The following TMEM178B variants were observed in gnomAD, a reference collection of about 807,000 sequenced individuals.
The protein encoded by TMEM178B is transmembrane protein 178B.
A neutral mutation model predicts 31.0 loss-of-function variants in TMEM178B; 5 were observed. The ratio of observed to expected loss-of-function variants is 0.16; its 90% confidence interval spans 0.08 to 0.34. The LOEUF (loss-of-function observed/expected upper bound fraction) is 0.34. TMEM178B is among the 10% of genes least tolerant of loss of function. TMEM178B has a pLI of 1.00. For missense variants in TMEM178B, 275 were observed against 400.3 expected, an observed-to-expected ratio of 0.69 and a Z score of 2.67; for synonymous variants, 164 against 164.0, an observed-to-expected ratio of 1.00 and a Z score of 0.00.
chr7:141,487,358 T>G, the TMEM178B span, among the ~76,000 whole-genome samples: 1 of 152,212 alleles, frequency 6.6e-6, no homozygotes, highest in East Asian at 1.9e-4. Context: ...AAAGGTCTTC[T>G]GCCCTCTGTA....
At position 141,094,225 on chromosome 7, in the gene TMEM178B, T is replaced by G. The variant is rs115116972; in HGVS notation, c.382+19533T>G. 6.3e-3 allele frequency among the ~76,000 whole-genome samples: 958 copies of G among 152,294 alleles called. 10 individuals carry two copies. The highest frequency in any genetic ancestry group is 0.022 in the African/African-American group (910 of 41,562). On this transcript the variant is annotated intron_variant, in intron 1 of 3. Coordinates refer to ENST00000565468, the MANE Select transcript of TMEM178B (RefSeq NM_001195278.2). ...AACATGGCCCAGGAAGAAACACATGTTTTAGGTGAGGCAGGAAGAAAAAAT... is the reference window on the plus strand; with the variant it reads ...AACATGGCCCAGGAAGAAACACATGGTTTAGGTGAGGCAGGAAGAAAAAAT...
chr7:141,130,139 A>G (rs1289494772), intron 1 of TMEM178B, among the ~76,000 whole-genome samples: 1 of 152,224 alleles, frequency 6.6e-6, no homozygotes, highest in Non-Finnish European at 1.5e-5. Flanking sequence ...CTATATTAAT[A>G]GAGATTCTTT....
In TMEM178B at chr7:141,080,285, A is replaced by G. The variant is rs1044071730; in HGVS notation, c.382+5593A>G. Among the ~76,000 whole-genome samples the G allele has an allele frequency of 7.2e-5, 11 of 152,318 alleles. No individual in the cohort carries two copies. In the East Asian group the frequency reaches 2.1e-3, roughly 29 times the overall value. On this transcript the variant is annotated intron_variant, in intron 1 of 3. Coordinates refer to ENST00000565468, the MANE Select transcript of TMEM178B (RefSeq NM_001195278.2). ...TGCATCAGGTACAGTGTTGGACCAA[A>G]TGGAGAAGCTTACATTCCAGAGGGG... is the stretch of plus-strand genomic sequence containing the variant.
chr7:141,079,214 G>A (rs1057053051), intron 1 of TMEM178B, among the ~76,000 whole-genome samples: 47 of 152,336 alleles, frequency 3.1e-4, no homozygotes, highest in African/African-American at 1.1e-3. Flanking sequence ...TTGAACCTAG[G>A]AGGTAGAGGT....
At chr7:141,142,320 C>G (rs1795784784) in intron 1 of TMEM178B, among the ~76,000 whole-genome samples, 1 of 136,610 alleles carries the variant, frequency 7.3e-6, no homozygotes, top group South Asian at 2.1e-4. Context: ...TGGACTGATT[C>G]CATGTCTTGC....
chr7:141,445,010 C>T (rs116199533), intron 3 of TMEM178B, among the ~76,000 whole-genome samples: 421 of 152,202 alleles, frequency 2.8e-3, no homozygotes, highest in African/African-American at 9.3e-3. Flanking sequence ...ACCAAGGGCA[C>T]GGGTGGTAAT....
chr7:141,392,915 C>T (rs1800572013), intron 2 of TMEM178B, among the ~76,000 whole-genome samples: 1 of 151,678 alleles, frequency 6.6e-6, no homozygotes, highest in Non-Finnish European at 1.5e-5. Context: ...CTGTCATATA[C>T]TCTTGCCAAC....
chr7:141,509,867 G>A, the TMEM178B span, among the ~76,000 whole-genome samples: 4 of 152,180 alleles, frequency 2.6e-5, no homozygotes, highest in South Asian at 2.1e-4. Flanking sequence ...TTAATCCTCC[G>A]CATGTCCTTT....
rs536035652 is a variant in TMEM178B at position 141,337,842 on chromosome 7, A to AT, written c.497-99753dup. On this transcript the variant is annotated intron_variant, in intron 2 of 3. Coordinates refer to ENST00000565468, the MANE Select transcript of TMEM178B (RefSeq NM_001195278.2). ...CCAGCAGATAGCATAAAATGGTTTG[A>AT]TTTTTTTTTTTTTGAGACGGAGTCT... Among the ~76,000 whole-genome samples the AT allele has an allele frequency of 4.4e-3, 641 of 146,684 alleles. 8 individuals are homozygous for AT. Among genetic ancestry groups the AT allele is most frequent in the South Asian group, 0.04 (184 of 4,626 alleles).
At chr7:141,163,473 G>A (rs1796210298) in intron 1 of TMEM178B, among the ~76,000 whole-genome samples, 1 of 151,864 alleles carries the variant, frequency 6.6e-6, no homozygotes, top group Non-Finnish European at 1.5e-5. Flanking sequence ...CATTAATGCA[G>A]TCTACCACAG....
intron 2 of TMEM178B, among the ~76,000 whole-genome samples, chr7:141,273,843 G>A (rs1214317334): frequency 6.6e-6 from 1 of 152,192 alleles, no homozygotes; most frequent in Non-Finnish European, 1.5e-5. Flanking sequence ...CCCACTGCCT[G>A]TTGGGCATGT....
At chr7:141,174,392 T>C (rs1796393706) in intron 1 of TMEM178B, among the ~76,000 whole-genome samples, 1 of 152,234 alleles carries the variant, frequency 6.6e-6, no homozygotes, top group South Asian at 2.1e-4. Context: ...TCCAAGTCTT[T>C]GCTACTGTGA....
At chr7:141,242,477 A>AGTGTGT (rs66723569) in intron 2 of TMEM178B, among the ~76,000 whole-genome samples, 14 of 140,524 alleles carry the variant, frequency 1.0e-4, no homozygotes, top group Middle Eastern at 3.6e-3. Flanking sequence ...ACTTTGTGTG[A>AGTGTGT]GTGTGTGTGT....
At chr7:141,394,882 G>A (rs904496980) in intron 2 of TMEM178B, among the ~76,000 whole-genome samples, 5 of 152,200 alleles carry the variant, frequency 3.3e-5, no homozygotes, top group Non-Finnish European at 5.9e-5. Flanking sequence ...TACTCTGAAT[G>A]TCTTCCAGCA....
At chr7:141,281,819 G>C (rs555834207) in intron 2 of TMEM178B, among the ~76,000 whole-genome samples, 6 of 152,170 alleles carry the variant, frequency 3.9e-5, no homozygotes, top group Admixed American at 1.3e-4. Flanking sequence ...TGAGAGGAGA[G>C]CACAGGAAAG....
intron 2 of TMEM178B, among the ~76,000 whole-genome samples, chr7:141,311,673 AT>A (rs915312339): frequency 1.3e-5 from 2 of 152,056 alleles, no homozygotes; most frequent in African/African-American, 2.4e-5. Context: ...TTAAAAAACT[AT>A]TTTTTTCTGG....
intron 2 of TMEM178B, among the ~76,000 whole-genome samples, chr7:141,375,798 T>A (rs1247248100): frequency 6.6e-6 from 1 of 152,176 alleles, no homozygotes; most frequent in Non-Finnish European, 1.5e-5. Flanking sequence ...GGAGGCTCAC[T>A]TACAAGGGGA....
intron 1 of TMEM178B, among the ~76,000 whole-genome samples, chr7:141,180,016 TA>T (rs1438258555): frequency 1.3e-5 from 2 of 152,158 alleles, no homozygotes; most frequent in Admixed American, 6.6e-5. Flanking sequence ...AGCCCATTTT[TA>T]AGAGGAAAGC....
chr7:141,317,499 C>G (rs1200799030), intron 2 of TMEM178B, among the ~76,000 whole-genome samples: 3 of 152,160 alleles, frequency 2.0e-5, no homozygotes, highest in African/African-American at 7.2e-5. Flanking sequence ...CAACTTAAAA[C>G]AGGTGGCACT....
Sources: gnomAD v4.1 joint callset for allele counts (sites outside exome capture counted in the v4.1 genomes callset) on GRCh38, gnomAD v4.1.1 for gene constraint, MANE v1.5 for transcripts, NCBI Gene and HGNC (gene_info 2026-07-23, HGNC 2026-07-21) for gene names.